CLN6: variants seen among roughly 807,000 people sequenced by gnomAD.
CLN6 encodes ceroid-lipofuscinosis neuronal protein 6.
Under a neutral mutation model 33.3 loss-of-function variants are expected in CLN6, and 22 were observed. The ratio of observed to expected loss-of-function variants is 0.66; its 90% CI spans 0.47 to 0.94. The LOEUF (loss-of-function observed/expected upper bound fraction) is 0.94. CLN6 is among the 40% of genes least tolerant of loss of function. The probability of loss-of-function intolerance (pLI) is 0.00; values close to 1 mark genes in which losing one functional copy is unlikely to be tolerated. For missense variants in CLN6, 387 were observed against 417.1 expected (o/e 0.93, Z 0.63); for synonymous variants, 201 against 174.6 (o/e 1.15, Z -1.19).
intron 1 of CLN6, among the ~76,000 whole-genome samples, chr15:68,244,181 G>A (rs1892304653): frequency 6.6e-6 from 1 of 151,966 alleles, no homozygotes; most frequent in African/African-American, 2.4e-5. Flanking sequence ...GCTCAAGAAA[G>A]TTATAAATAT....
chr15:68,247,512 AG>A lies in CLN6; in HGVS notation c.179+9177del, dbSNP rs1447961536. Reference sequence around the variant, plus strand: ...TTCAAGGAAAACTACAAAGCACTGAAGAAATAAATTGAAGAGGACACAGCAA... The same window carrying A: ...TTCAAGGAAAACTACAAAGCACTGAAAAATAAATTGAAGAGGACACAGCAA... On this transcript the variant is annotated intron_variant, in intron 1 of 6. Transcript: ENST00000538696. This position sits in a 1 kb window ranked among gnomAD's most constrained non-coding sequence, Gnocchi z 4.2. 6.6e-6 allele frequency among the ~76,000 whole-genome samples: 1 copy of A among 152,166 alleles called. No homozygotes were observed. Among genetic ancestry groups the A allele is most frequent in the Non-Finnish European group, 1.5e-5 (1 of 68,036 alleles).
chr15:68,218,326 G>A, intron 2 of CLN6: 1 of 504,844 alleles, frequency 2.0e-6, no homozygotes, highest in South Asian at 1.9e-5. Context: ...TGAGAGTTGG[G>A]GCAAAGTATG....
chr15:68,216,008 C>A (rs1341746924), intron 2 of CLN6, among the ~76,000 whole-genome samples: 1 of 152,144 alleles, frequency 6.6e-6, no homozygotes, highest in Non-Finnish European at 1.5e-5. Context: ...AACAAATTTG[C>A]AACTATTATG....
intron 1 of CLN6, among the ~76,000 whole-genome samples, chr15:68,239,297 C>T (rs1567104106): frequency 6.6e-6 from 1 of 151,368 alleles, no homozygotes; most frequent in African/African-American, 2.4e-5. Flanking sequence ...CTAAAAGACA[C>T]ATTCTTAGAC....
Position 68,229,629 on chromosome 15 carries a change from C to T in CLN6, c.-45G>A. 1.4e-6 allele frequency: 2 copies of T among 1,419,060 alleles called. No homozygotes were observed. Among genetic ancestry groups the T allele is most frequent in the Non-Finnish European group, 1.9e-6 (2 of 1,080,220 alleles). 87.9% of individuals were successfully genotyped at this position (1,419,060 alleles called of 1,614,324 possible). A position where few individuals can be genotyped will look rare whatever the true frequency, so the allele number is the denominator to read the frequency against. ...CGGCCCTGCCTTTCCGAGGAAGAGA[C>T]CGGTTCAGCTCGGCTGCCCCGGCGG... On this transcript the variant is annotated 5_prime_UTR_variant, in exon 1 of 7. Coordinates refer to ENST00000249806, the MANE Select transcript of CLN6 (RefSeq NM_017882.3).
chr15:68,254,573 C>T (rs972658628), intron 1 of CLN6: 9 of 554,024 alleles, frequency 1.6e-5, no homozygotes, highest in Non-Finnish European at 2.2e-5. Flanking sequence ...AGAACGACCC[C>T]AGGACAGATC....
chr15:68,226,566 A>G (rs998405771), intron 1 of CLN6, among the ~76,000 whole-genome samples: 1 of 152,002 alleles, frequency 6.6e-6, no homozygotes, highest in Non-Finnish European at 1.5e-5. Context: ...TCCTGAGTTC[A>G]AGTAATTCTC....
At position 68,247,242 on chromosome 15, in the gene CLN6, T is replaced by G. The variant is rs567607516; in HGVS notation, c.179+9448A>C. The stretch of plus-strand genomic sequence containing the variant: ...AAATTAGACTTGTACACAGAAGACA[T>G]GATCTTACATTTAGAAAAACCTAAA... On this transcript the variant is annotated intron_variant, in intron 1 of 6. Coordinates refer to the CLN6 transcript ENST00000538696. This position sits in a 1 kb window ranked among gnomAD's most constrained non-coding sequence, Gnocchi z 4.2. Among the ~76,000 whole-genome samples, 12 of 152,282 alleles carry G rather than the reference T, an allele frequency of 7.9e-5. No homozygotes were observed. The highest frequency in any genetic ancestry group is 1.3e-4 in the Non-Finnish European group (9 of 68,034).
At chr15:68,229,454 C>G (rs1024279914) in intron 1 of CLN6, 48 bp downstream of exon 1, 23 of 1,388,836 alleles carry the variant, frequency 1.7e-5, no homozygotes, top group Admixed American at 2.5e-5. Context: ...TCCCGAGGCC[C>G]CAGCGCACAG....
chr15:68,216,669 T>C lies in CLN6; in HGVS notation c.198+1867A>G, dbSNP rs1233647591. On this transcript the variant is annotated intron_variant, in intron 2 of 6. Coordinates refer to ENST00000249806, the MANE Select transcript of CLN6 (RefSeq NM_017882.3). ...AATTGCCAGGAAACATTCTCTATAA[T>C]GGACATAGCAAAACTGATTTACCCA... Among the ~76,000 whole-genome samples, 9 of 152,238 alleles carry C rather than the reference T, an allele frequency of 5.9e-5. No individual in the cohort carries two copies. The East Asian group carries it at 1.3e-3, about 23-fold the overall frequency.
At position 68,256,954 on chromosome 15, in the gene CLN6, G is replaced by A; in HGVS notation, c.-86C>T. ...GCGTCGTGGGGCAGGGTGTAGTGAT[G>A]GTCACGCATCCCTTCCCTGGGCTTC... On this transcript the variant is annotated 5_prime_UTR_variant, in exon 1 of 7. Coordinates refer to the CLN6 transcript ENST00000538696. This position sits in a 1 kb window ranked among gnomAD's most constrained non-coding sequence, Gnocchi z 4.1. 1.7e-6 allele frequency: 1 copy of A among 593,398 alleles called. No homozygotes were observed. The highest frequency in any genetic ancestry group is 3.0e-6 in the Non-Finnish European group (1 of 331,140). 36.8% of individuals were successfully genotyped at this position (593,398 alleles called of 1,614,324 possible). A position where few individuals can be genotyped will look rare whatever the true frequency, so the allele number is the denominator to read the frequency against.
chr15:68,222,319 G>A (rs1437149011), intron 1 of CLN6, among the ~76,000 whole-genome samples: 2 of 143,486 alleles, frequency 1.4e-5, no homozygotes, highest in Non-Finnish European at 3.0e-5. Context: ...GAGCGCCTCT[G>A]CCTGGCTGCC....
intron 2 of CLN6, among the ~76,000 whole-genome samples, chr15:68,216,083 A>G (rs1033092275): frequency 6.6e-5 from 10 of 152,192 alleles, no homozygotes; most frequent in South Asian, 2.1e-4. Context: ...ACCAAGTCCT[A>G]CTTAGGGTTA....
chr15:68,220,999 T>TTTA lies in CLN6; in HGVS notation c.84-2352_84-2350dup, dbSNP rs150528709. Among the ~76,000 whole-genome samples, 29 of 146,190 alleles carry TTTA rather than the reference T, an allele frequency of 2.0e-4. No individual in the cohort carries two copies. Among genetic ancestry groups the TTTA allele is most frequent in the African/African-American group, 2.5e-4 (10 of 39,718 alleles). ...TGCCACTATGCCCAGCTAATTTTAT[T>TTTA]TTATTATTATTATTATTATTATTAT... On this transcript the variant is annotated intron_variant, in intron 1 of 6. Coordinates refer to ENST00000249806, the MANE Select transcript of CLN6 (RefSeq NM_017882.3). The surrounding 1 kb of genome is among the most constrained non-coding windows in gnomAD (Gnocchi z 4.2).
At chr15:68,255,262 C>T (rs1464350630) in intron 1 of CLN6, among the ~76,000 whole-genome samples, 1 of 151,614 alleles carries the variant, frequency 6.6e-6, no homozygotes, top group Non-Finnish European at 1.5e-5. Context: ...TTCCACCTTT[C>T]AGCATAGATT....
At position 68,209,601 on chromosome 15, in the gene CLN6, GC is replaced by G. The variant is rs776653535; in HGVS notation, c.665+35del. The stretch of plus-strand genomic sequence containing the variant: ...ATTTTGCTGCCGTGGCTCTCTCAGT[GC>G]CCCTGCCTCTGCCCCCATGCTGATG... On this transcript the variant is annotated intron_variant, in intron 6 of 6. Coordinates refer to ENST00000249806, the MANE Select transcript of CLN6 (RefSeq NM_017882.3). This position sits in a 1 kb window ranked among gnomAD's most constrained non-coding sequence, Gnocchi z 4.9. 6.2e-7 allele frequency: 1 copy of G among 1,609,714 alleles called. No individual in the cohort carries two copies. The highest frequency in any genetic ancestry group is 1.1e-5 in the South Asian group (1 of 90,912).
rs923916230 is a variant in CLN6, at chr15:68,218,395, G to A, written c.198+141C>T. 1.7e-5 allele frequency: 12 copies of A among 692,058 alleles called. 1 individual carries two copies. The highest frequency in any genetic ancestry group is 1.2e-4 in the South Asian group (8 of 67,626). The allele number at this position is 692,058 out of a possible 1,614,324, so 42.9% of individuals were successfully genotyped here. ...TGACGGGCCAAGTCATAGAGCTAAG[G>A]ATATGAAGGCATCCAGGCCTATTCT... On this transcript the variant is annotated intron_variant, in intron 2 of 6. Coordinates refer to ENST00000249806, the MANE Select transcript of CLN6 (RefSeq NM_017882.3).
rs1258410887 is a variant in CLN6 at position 68,207,136 on chromosome 15, T to C, written c.*1004A>G. On this transcript the variant is annotated 3_prime_UTR_variant, in exon 7 of 7. Coordinates refer to ENST00000249806, the MANE Select transcript of CLN6 (RefSeq NM_017882.3). ...TGTAGACCCCCCACAGGAAGGGTCC[T>C]AGGTAGGGGGAGGTTCCTCCTCCCT... 1 of 152,226 alleles carries C rather than the reference T, an allele frequency of 6.6e-6. No individual in the cohort carries two copies. The allele number at this position is 152,226 out of a possible 1,614,324, so 9.4% of individuals were successfully genotyped here.
At position 68,209,991 on chromosome 15, in the gene CLN6, C is replaced by A. The variant is rs376862742; in HGVS notation, c.543-232G>T. On this transcript the variant is annotated intron_variant, in intron 5 of 6. Transcript: ENST00000249806. This position sits in a 1 kb window ranked among gnomAD's most constrained non-coding sequence, Gnocchi z 4.9. ...GTGTGAGTCAGAGGCCCAGAGGCAT[C>A]CACACCGCCCAGGGCACCTCACTCA... Among the ~76,000 whole-genome samples, 69 of 152,274 alleles carry A rather than the reference C, an allele frequency of 4.5e-4. No homozygotes were observed. In the South Asian group the frequency reaches 0.011, roughly 24 times the overall value.
Sources: allele counts gnomAD v4.1 joint callset (sites outside exome capture counted in the v4.1 genomes callset), GRCh38; gene constraint gnomAD v4.1.1; non-coding constraint Gnocchi (gnomAD v3.1); transcripts MANE v1.5; gene names NCBI Gene and HGNC (gene_info 2026-07-23, HGNC 2026-07-21).